The following SLC35F4 variants were observed in gnomAD, a reference collection of about 807,000 sequenced individuals.
The protein encoded by SLC35F4 is chromosome 14 open reading frame 36.
A neutral mutation model predicts 44.2 loss-of-function variants in SLC35F4; 24 were observed. The observed-to-expected ratio is 0.54, with a 90% CI of 0.39 to 0.76. The LOEUF (loss-of-function observed/expected upper bound fraction) is 0.76, where lower values mean the gene tolerates loss of function less well. Ranked by LOEUF, SLC35F4 falls within the 30% of genes least tolerant of loss-of-function variation. The probability of loss-of-function intolerance (pLI) is 0.00; values close to 1 mark genes in which losing one functional copy is unlikely to be tolerated. For synonymous variants in SLC35F4, 238 were observed against 223.6 expected (o/e 1.06, Z -0.57); for missense variants, 562 against 586.1 (o/e 0.96, Z 0.42).
At position 57,962,851 on chromosome 14, in the gene SLC35F4, T is replaced by C. The variant is rs544671019; in HGVS notation, n.282+19062A>G. ...CAGCACACTGCGCAAAACCTCAGGCTCGTTCATTCTTTTGTTCCTTAAACA... is the reference window on the plus strand; with the variant it reads ...CAGCACACTGCGCAAAACCTCAGGCCCGTTCATTCTTTTGTTCCTTAAACA... On this transcript the variant is annotated intron_variant and non_coding_transcript_variant, in intron 1 of 1. Coordinates refer to the SLC35F4 transcript ENST00000556568. Among the ~76,000 whole-genome samples the C allele has an allele frequency of 3.9e-5, 6 of 152,358 alleles. No individual in the cohort carries two copies. The South Asian group carries it at 1.2e-3, about 32-fold the overall frequency.
At chr14:57,731,447 T>C (rs1229294622) in intron 1 of SLC35F4, among the ~76,000 whole-genome samples, 10 of 152,240 alleles carry the variant, frequency 6.6e-5, no homozygotes, top group Non-Finnish European at 1.2e-4. Flanking sequence ...TCCAGACACC[T>C]GCCCTTTCCA....
intron 1 of SLC35F4, among the ~76,000 whole-genome samples, chr14:57,651,592 C>A (rs2073785995): frequency 6.6e-6 from 1 of 152,098 alleles, no homozygotes; most frequent in Non-Finnish European, 1.5e-5. Flanking sequence ...CCAGGACTGG[C>A]CCTTTGAGCA....
rs36212594 is a variant in SLC35F4, at chr14:57,738,748, C to CATATATAT, written c.103+126967_103+126974dup. 8.6e-3 allele frequency among the ~76,000 whole-genome samples: 945 copies of CATATATAT among 109,964 alleles called. 7 individuals carry two copies. Among genetic ancestry groups the CATATATAT allele is most frequent in the Non-Finnish European group, 0.013 (705 of 53,908 alleles). The allele number at this position is 109,964 out of a possible 152,430, so 72.1% of individuals were successfully genotyped here. ...CTTTATTTCATAATATTTGAATTTT[C>CATATATAT]ATATATATATATATATATATATATA... is the stretch of plus-strand genomic sequence containing the variant. On this transcript the variant is annotated intron_variant, in intron 1 of 7. Coordinates refer to ENST00000556826, the MANE Select transcript of SLC35F4 (RefSeq NM_001306087.2).
chr14:57,748,683 A>G (rs117692072), intron 1 of SLC35F4, among the ~76,000 whole-genome samples: 102 of 152,308 alleles, frequency 6.7e-4, no homozygotes, highest in Non-Finnish European at 1.1e-3. Flanking sequence ...CTAGGCCTGA[A>G]GATATCCAGA....
At chr14:57,828,284 G>C (rs1884000066) in intron 1 of SLC35F4, among the ~76,000 whole-genome samples, 1 of 152,078 alleles carries the variant, frequency 6.6e-6, no homozygotes, top group Non-Finnish European at 1.5e-5. Context: ...CTTTTTTAAA[G>C]CTCCACATGA....
At chr14:57,953,022 T>G (rs1187815527) in intron 1 of SLC35F4, among the ~76,000 whole-genome samples, 2 of 152,128 alleles carry the variant, frequency 1.3e-5, no homozygotes, top group Admixed American at 6.5e-5. Context: ...GAAAAAATGT[T>G]AAGGGGAGCC....
rs574016933 is a variant in SLC35F4, at chr14:57,647,687, C to G, written c.104-53563G>C. On this transcript the variant is annotated intron_variant, in intron 1 of 7. Transcript: ENST00000556826. Reference sequence around the variant, plus strand: ...CCAAACTTTGGTTAGGCTCCTGAACCTTTTCCTAGACCCATCTGTGTTCTT... The same window carrying G: ...CCAAACTTTGGTTAGGCTCCTGAACGTTTTCCTAGACCCATCTGTGTTCTT... 4.6e-5 allele frequency among the ~76,000 whole-genome samples: 7 copies of G among 152,224 alleles called. No individual in the cohort carries two copies. The East Asian group carries it at 5.8e-4, about 13-fold the overall frequency.
chr14:57,949,849 A>G (rs1890103336), intron 1 of SLC35F4, among the ~76,000 whole-genome samples: 2 of 152,214 alleles, frequency 1.3e-5, no homozygotes, highest in Non-Finnish European at 2.9e-5. Flanking sequence ...GGCTACAAAT[A>G]GGACTCCAAT....
chr14:57,730,912 A>C (rs2076327631), intron 1 of SLC35F4, among the ~76,000 whole-genome samples: 1 of 152,218 alleles, frequency 6.6e-6, no homozygotes, highest in Non-Finnish European at 1.5e-5. Flanking sequence ...GTCATATTAC[A>C]TGGTGAAAGA....
chr14:57,706,842 G>C (rs959919713), intron 1 of SLC35F4, among the ~76,000 whole-genome samples: 3 of 152,212 alleles, frequency 2.0e-5, no homozygotes, highest in African/African-American at 7.2e-5. Flanking sequence ...TTGCAACCAA[G>C]TCAAGAATGT....
At chr14:57,687,522 C>A (rs184016921) in intron 1 of SLC35F4, among the ~76,000 whole-genome samples, 128 of 152,288 alleles carry the variant, frequency 8.4e-4, no homozygotes, top group African/African-American at 2.9e-3. Context: ...AGCAAATGAG[C>A]TCTTTTGAAT....
intron 1 of SLC35F4, among the ~76,000 whole-genome samples, chr14:57,904,666 A>G (rs1346242213): frequency 6.6e-6 from 1 of 152,148 alleles, no homozygotes; most frequent in African/African-American, 2.4e-5. Context: ...ATTTTTTTAC[A>G]TGTATCATCT....
chr14:57,692,178 T>C (rs1302057932), intron 1 of SLC35F4, among the ~76,000 whole-genome samples: 2 of 152,214 alleles, frequency 1.3e-5, no homozygotes, highest in African/African-American at 2.4e-5. Flanking sequence ...TAGGTTTTCT[T>C]ATTCCCAATC....
At chr14:57,701,940 T>C (rs1390538101) in intron 1 of SLC35F4, among the ~76,000 whole-genome samples, 2 of 152,164 alleles carry the variant, frequency 1.3e-5, no homozygotes, top group African/African-American at 4.8e-5. Context: ...GACTACTGTA[T>C]ATTTTCAATA....
chr14:57,973,416 T>C (rs1220973409), downstream of SLC35F4, among the ~76,000 whole-genome samples: 2 of 152,156 alleles, frequency 1.3e-5, no homozygotes, highest in African/African-American at 4.8e-5. Context: ...ACCACTTCAA[T>C]TGGGTCTACA....
At chr14:57,732,338 T>C (rs1280186182) in intron 1 of SLC35F4, among the ~76,000 whole-genome samples, 3 of 152,144 alleles carry the variant, frequency 2.0e-5, no homozygotes, top group African/African-American at 7.2e-5. Flanking sequence ...AGACTGAAAT[T>C]ACAAACTAAA....
intron 1 of SLC35F4, among the ~76,000 whole-genome samples, chr14:57,875,942 T>C (rs1157358087): frequency 6.6e-6 from 1 of 152,208 alleles, no homozygotes; most frequent in East Asian, 1.9e-4. Context: ...TTGATAGAAT[T>C]CCTGGGTTCT....
At chr14:57,576,090 C>A (rs557091453) in intron 4 of SLC35F4, among the ~76,000 whole-genome samples, 1 of 152,078 alleles carries the variant, frequency 6.6e-6, no homozygotes, top group Non-Finnish European at 1.5e-5. Context: ...CAACCTGATC[C>A]CATTCACTAT....
At position 57,570,047 on chromosome 14, in the gene SLC35F4, G is replaced by C. The variant is rs147618555; in HGVS notation, c.934-67C>G. The C allele has an allele frequency of 1.1e-4, 151 of 1,406,456 alleles. No homozygotes were observed. In the African/African-American group the frequency reaches 1.9e-3, roughly 18 times the overall value. The allele number at this position is 1,406,456 out of a possible 1,614,324, so 87.1% of individuals were successfully genotyped here. A position where few individuals can be genotyped will look rare whatever the true frequency, so the allele number is the denominator to read the frequency against. On this transcript the variant is annotated intron_variant, in intron 5 of 7. Coordinates refer to ENST00000556826, the MANE Select transcript of SLC35F4 (RefSeq NM_001306087.2). ...CCAGAGCAGAAACGTAAGTCTTACT[G>C]TTCCATACTGTGAGCTAACTGGCCC...
Sources: allele counts gnomAD v4.1 joint callset (sites outside exome capture counted in the v4.1 genomes callset), GRCh38; gene constraint gnomAD v4.1.1; transcripts MANE v1.5; gene names NCBI Gene and HGNC (gene_info 2026-07-23, HGNC 2026-07-21).